XKR7: variants seen among roughly 807,000 people sequenced by gnomAD.
The protein encoded by XKR7 is XK-related protein 7.
Under a neutral mutation model 42.2 loss-of-function variants are expected in XKR7, and 11 were observed. The ratio of observed to expected loss-of-function variants is 0.26; its 90% CI spans 0.16 to 0.43. The LOEUF is 0.43. XKR7 is among the 20% of genes least tolerant of loss of function. The pLI is 1.00. For synonymous variants in XKR7, 346 were observed against 366.4 expected (o/e 0.94, Z 0.64); for missense variants, 710 against 802.2 (o/e 0.89, Z 1.39).
At chr20:31,993,134 A>C (rs923942851) in intron 1 of XKR7, among the ~76,000 whole-genome samples, 4 of 151,430 alleles carry the variant, frequency 2.6e-5, no homozygotes, top group Non-Finnish European at 4.4e-5. Flanking sequence ...ACACACACAC[A>C]CCACCCCCAG....
intron 1 of XKR7, among the ~76,000 whole-genome samples, chr20:31,983,356 C>T (rs2064522286): frequency 6.6e-6 from 1 of 152,278 alleles, no homozygotes; most frequent in East Asian, 1.9e-4. Flanking sequence ...GGTAACATGA[C>T]AGAAAGTGAC....
chr20:31,971,027 A>G lies in XKR7; in HGVS notation c.584+2268A>G, dbSNP rs145001529. On this transcript the variant is annotated intron_variant, in intron 1 of 2. Transcript: ENST00000562532. The stretch of plus-strand genomic sequence containing the variant: ...TGCCTTTAAAGCCTGAGTTCAATTT[A>G]TCCACCTTGTAATTCTGCCACTAAA... Among the ~76,000 whole-genome samples, 4 of 152,324 alleles carry G rather than the reference A, an allele frequency of 2.6e-5. No individual in the cohort carries two copies. The East Asian group carries it at 7.7e-4, about 29-fold the overall frequency.
rs1360509293 is a variant in XKR7, at chr20:31,996,654, C to T, written c.937C>T (p.Arg313Cys). Residue 313 changes from arginine (R) to cysteine (C), a missense_variant, in exon 3 of 3, where the codon CGC becomes TGC. By Grantham distance (180) the Arg-to-Cys change is radical. Transcript: ENST00000562532. Reference protein sequence around the residue: ...VLWHLFSIAARGLAFALFASV... With the variant: ...VLWHLFSIAACGLAFALFASV... ...GTGGCACCTGTTCAGCATTGCCGCC[C>T]GCGGCCTGGCCTTCGCGCTCTTCGC... 6.3e-7 allele frequency: 1 copy of T among 1,595,410 alleles called. No individual in the cohort carries two copies. Among genetic ancestry groups the T allele is most frequent in the African/African-American group, 1.3e-5 (1 of 74,324 alleles).
chr20:31,994,586 G>C (rs2064582707), intron 1 of XKR7, among the ~76,000 whole-genome samples: 1 of 152,166 alleles, frequency 6.6e-6, no homozygotes, highest in African/African-American at 2.4e-5. Context: ...CATGCCTGCA[G>C]TCCCAGCTAC....
chr20:31,987,822 A>G (rs2064549986), intron 1 of XKR7, among the ~76,000 whole-genome samples: 1 of 152,216 alleles, frequency 6.6e-6, no homozygotes, highest in Non-Finnish European at 1.5e-5. Context: ...CTGACCCAGG[A>G]TCACAGGGTC....
At chr20:31,980,131 G>GAAAAA (rs397968046) in intron 1 of XKR7, among the ~76,000 whole-genome samples, 1 of 95,466 alleles carries the variant, frequency 1.0e-5, no homozygotes. Context: ...CTTTAGCCCA[G>GAAAAA]AAAAAAAAAA....
intron 1 of XKR7, among the ~76,000 whole-genome samples, chr20:31,984,661 A>G (rs2064529081): frequency 6.6e-6 from 1 of 152,178 alleles, no homozygotes; most frequent in Non-Finnish European, 1.5e-5. Flanking sequence ...AGTTTTCTCT[A>G]AACCCATATA....
At position 31,995,021 on chromosome 20, in the gene XKR7, G is replaced by A. The variant is rs750305697; in HGVS notation, c.585-47G>A. 17 of 1,537,706 alleles carry A rather than the reference G, an allele frequency of 1.1e-5. No homozygotes were observed. Among genetic ancestry groups the A allele is most frequent in the African/African-American group, 1.4e-5 (1 of 72,314 alleles). On this transcript the variant is annotated intron_variant, in intron 1 of 2. Coordinates refer to ENST00000562532, the MANE Select transcript of XKR7 (RefSeq NM_001011718.2). This position sits in a 1 kb window ranked among gnomAD's most constrained non-coding sequence, Gnocchi z 4.1. ...CGGCTCGGGGCTGGTGCGACAGAGC[G>A]AGAGGAACCAGCGCGCGGGAGCCTG...
At position 31,971,292 on chromosome 20, in the gene XKR7, C is replaced by T. The variant is rs183350869; in HGVS notation, c.584+2533C>T. ...CTATAGTTTGCTGGGTGACCTTGGG[C>T]AAGGCTCTTTCCATCTTTGGGTCTC... On this transcript the variant is annotated intron_variant, in intron 1 of 2. Transcript: ENST00000562532. Among the ~76,000 whole-genome samples the T allele has an allele frequency of 1.1e-4, 17 of 152,250 alleles. No individual in the cohort carries two copies. In the East Asian group the frequency reaches 3.3e-3, roughly 29 times the overall value.
chr20:31,978,249 G>A (rs918624867), intron 1 of XKR7, among the ~76,000 whole-genome samples: 1 of 152,100 alleles, frequency 6.6e-6, no homozygotes, highest in Non-Finnish European at 1.5e-5. Flanking sequence ...AGGACTACAG[G>A]TACACACCAC....
intron 1 of XKR7, among the ~76,000 whole-genome samples, chr20:31,978,846 G>A (rs1399977112): frequency 3.3e-5 from 5 of 152,028 alleles, no homozygotes; most frequent in African/African-American, 4.8e-5. Flanking sequence ...CAAAAACATC[G>A]CTAAGTTGCT....
rs555200251 is a variant in XKR7 at position 31,972,354 on chromosome 20, C to T, written c.584+3595C>T. Among the ~76,000 whole-genome samples the T allele has an allele frequency of 7.2e-5, 11 of 152,332 alleles. 1 individual carries two copies. The East Asian group carries it at 9.6e-4, about 13-fold the overall frequency. The stretch of plus-strand genomic sequence containing the variant: ...CTAGCTCTATCTTTTACACCACACA[C>T]TGGCTACTTTGGGACATGCCAGAAC... On this transcript the variant is annotated intron_variant, in intron 1 of 2. Transcript: ENST00000562532.
chr20:31,990,604 C>T (rs548288298), intron 1 of XKR7, among the ~76,000 whole-genome samples: 19 of 152,346 alleles, frequency 1.2e-4, no homozygotes, highest in African/African-American at 4.3e-4. Context: ...GTGGGCACCA[C>T]ATCTATCAAG....
rs932484417 is a variant in XKR7 at position 31,995,371 on chromosome 20, G to C, written c.787+101G>C. ...ATGCCCTGTGGGCTTCCCCACCCCA[G>C]CTCAGGGCTCACTCAGTCAGGGTTT... On this transcript the variant is annotated intron_variant, in intron 2 of 2. Coordinates refer to ENST00000562532, the MANE Select transcript of XKR7 (RefSeq NM_001011718.2). This position sits in a 1 kb window ranked among gnomAD's most constrained non-coding sequence, Gnocchi z 4.1. The C allele has an allele frequency of 6.6e-6, 10 of 1,508,060 alleles. No homozygotes were observed. In the African/African-American group the frequency reaches 1.1e-4, roughly 17 times the overall value. 93.4% of individuals were successfully genotyped at this position (1,508,060 alleles called of 1,614,324 possible).
rs1286333588 is a variant in XKR7 at position 32,002,662 on chromosome 20, A to G, written c.*5205A>G. The G allele has an allele frequency of 6.6e-6, 1 of 152,198 alleles. No individual in the cohort carries two copies. Among genetic ancestry groups the G allele is most frequent in the Non-Finnish European group, 1.5e-5 (1 of 68,026 alleles). The allele number at this position is 152,198 out of a possible 1,614,324, so 9.4% of individuals were successfully genotyped here. On this transcript the variant is annotated 3_prime_UTR_variant, in exon 3 of 3. Transcript: ENST00000562532. ...CTCCCAAACCAGCCTCATTTCTTGAAGAAGAATTCATTTTCCCATATTAAA... is the reference window on the plus strand; with the variant it reads ...CTCCCAAACCAGCCTCATTTCTTGAGGAAGAATTCATTTTCCCATATTAAA...
chr20:31,986,284 C>T (rs1178044641), intron 1 of XKR7, among the ~76,000 whole-genome samples: 1 of 96,300 alleles, frequency 1.0e-5, no homozygotes, highest in Non-Finnish European at 2.1e-5. Context: ...AGACAGACCA[C>T]CAAGCAGACC....
At chr20:31,986,537 C>T (rs113089912) in intron 1 of XKR7, among the ~76,000 whole-genome samples, 1 of 96,032 alleles carries the variant, frequency 1.0e-5, no homozygotes, top group Non-Finnish European at 2.1e-5. Context: ...ACCAAGCAGA[C>T]CCAGCATCCA....
chr20:31,997,098 C>G lies in XKR7; in HGVS notation c.1381C>G (p.Pro461Ala). ...TTGCATCTTCCGTAAGGCCTCAGAG[C>G]CCTGTGGCCCACCCGCTGACGCCAT... ...PGCIFRKASE[P>A]CGPPADAITS... The change falls in exon 3 of 3, where the codon CCC (proline) becomes GCC (alanine). Residue 461 changes from proline (P) to alanine (A), a missense_variant. Coordinates refer to ENST00000562532, the MANE Select transcript of XKR7 (RefSeq NM_001011718.2). 6.2e-7 allele frequency: 1 copy of G among 1,613,396 alleles called. No individual in the cohort carries two copies. Among genetic ancestry groups the G allele is most frequent in the Non-Finnish European group, 8.5e-7 (1 of 1,180,030 alleles).
chr20:31,984,521 G>A (rs924587818), intron 1 of XKR7, among the ~76,000 whole-genome samples: 2 of 152,198 alleles, frequency 1.3e-5, no homozygotes, highest in South Asian at 2.1e-4. Context: ...ATCCCTTGGT[G>A]TAGACAAGAA....
Sources: allele counts gnomAD v4.1 joint callset (sites outside exome capture counted in the v4.1 genomes callset), GRCh38; gene constraint gnomAD v4.1.1; non-coding constraint Gnocchi (gnomAD v3.1); transcripts MANE v1.5; gene names NCBI Gene and HGNC (gene_info 2026-07-23, HGNC 2026-07-21).